Variants in CTNNA1 observed in about 807,000 individuals in gnomAD.
CTNNA1 encodes catenin alpha-1.
A neutral mutation model predicts 98.4 loss-of-function variants in CTNNA1; 37 were observed. That is an observed-to-expected ratio of 0.38 (90% confidence interval 0.29 to 0.49). The LOEUF (loss-of-function observed/expected upper bound fraction) is 0.49, where lower values mean the gene tolerates loss of function less well. Among genes scored for constraint, CTNNA1 ranks in the 20% least tolerant of loss-of-function variants. The pLI, the probability that CTNNA1 is intolerant of heterozygous loss-of-function variation, is 0.95. For synonymous variants in CTNNA1, 404 were observed against 413.2 expected (o/e 0.98, Z 0.27); for missense variants, 761 against 1,147.2 (o/e 0.66, Z 4.86).
chr5:138,861,236 G>A (rs576980227), intron 7 of CTNNA1, among the ~76,000 whole-genome samples: 2 of 152,192 alleles, frequency 1.3e-5, no homozygotes, highest in South Asian at 4.1e-4. Flanking sequence ...GGCCAGGCTG[G>A]TCTCGAACTC....
intron 7 of CTNNA1, chr5:138,870,200 T>G (rs1349084015): frequency 6.6e-6 from 1 of 152,242 alleles, no homozygotes; most frequent in Non-Finnish European, 1.5e-5. Context: ...AGCGTTGCTG[T>G]GATGCTGTTC....
At chr5:138,846,773 T>C (rs1482024542) in intron 7 of CTNNA1, among the ~76,000 whole-genome samples, 1 of 152,166 alleles carries the variant, frequency 6.6e-6, no homozygotes, top group Non-Finnish European at 1.5e-5. Flanking sequence ...AAAAAACCCC[T>C]CAAATTATAC....
At chr5:138,853,994 GGAA>G (rs1763485265) in intron 7 of CTNNA1, among the ~76,000 whole-genome samples, 1 of 152,182 alleles carries the variant, frequency 6.6e-6, no homozygotes, top group Non-Finnish European at 1.5e-5. Context: ...CTGGGTGAAT[GGAA>G]GAAGAAGCCC....
chr5:138,832,142 C>A (rs879668803), intron 7 of CTNNA1, among the ~76,000 whole-genome samples: 5 of 152,120 alleles, frequency 3.3e-5, no homozygotes, highest in African/African-American at 7.2e-5. Context: ...GGGCCAAATC[C>A]CCTTTTAAAG....
chr5:138,835,151 G>A (rs1299982333), intron 7 of CTNNA1, among the ~76,000 whole-genome samples: 1 of 152,172 alleles, frequency 6.6e-6, no homozygotes, highest in Non-Finnish European at 1.5e-5. Context: ...GTTAAGGCAG[G>A]AACTGGCTAT....
At chr5:138,880,073 G>GTTTGGACAGATGAACGTTTATACTAT (rs1752560448) in intron 7 of CTNNA1, 1 of 152,186 alleles carries the variant, frequency 6.6e-6, no homozygotes, top group South Asian at 2.1e-4. Context: ...TTCCATAGAA[G>GTTTGGACAGATGAACGTTTATACTAT]TTTGGACAGA....
chr5:138,904,803 T>C (rs570867973), intron 10 of CTNNA1: 1 of 162,482 alleles, frequency 6.2e-6, no homozygotes, highest in Non-Finnish European at 1.3e-5. Context: ...AAAAAAAAAA[T>C]ACATATTTTG....
intron 7 of CTNNA1, among the ~76,000 whole-genome samples, chr5:138,838,700 T>C (rs1762014016): frequency 6.6e-6 from 1 of 152,220 alleles, no homozygotes; most frequent in East Asian, 1.9e-4. Flanking sequence ...TATAGTGGTA[T>C]AGATTTCCCT....
intron 1 of CTNNA1, among the ~76,000 whole-genome samples, chr5:138,762,726 C>T (rs545699970): frequency 1.3e-4 from 20 of 151,688 alleles, no homozygotes; most frequent in African/African-American, 4.8e-4. Context: ...GTTCTAAATA[C>T]TTGTAACATT....
At chr5:138,822,489 A>G (rs1295720792) in intron 5 of CTNNA1, among the ~76,000 whole-genome samples, 2 of 152,334 alleles carry the variant, frequency 1.3e-5, no homozygotes, top group South Asian at 2.1e-4. Flanking sequence ...CATTTTTATA[A>G]AACGGTAGAC....
intron 6 of CTNNA1, among the ~76,000 whole-genome samples, chr5:138,825,482 G>GGTTTTTTTTTTTTTTTT (rs1760578153): frequency 4.0e-5 from 3 of 74,114 alleles, no homozygotes; most frequent in African/African-American, 1.2e-4. Flanking sequence ...AGCAGTATAA[G>GGTTTTTTTTTTTTTTTT]TTTTTTTTTT....
intron 10 of CTNNA1, among the ~76,000 whole-genome samples, chr5:138,912,885 T>A (rs12186373): frequency 0.26 from 39,414 of 152,050 alleles, 5,385 homozygotes; most frequent in Middle Eastern, 0.31. Flanking sequence ...CCTTATTGAT[T>A]TACCTAATAC....
In CTNNA1 at chr5:138,934,170, T is replaced by C. The variant is rs1431832064; in HGVS notation, c.*81T>C. 2.9e-6 allele frequency: 3 copies of C among 1,039,868 alleles called. No individual in the cohort carries two copies. Among genetic ancestry groups the C allele is most frequent in the Non-Finnish European group, 4.3e-6 (3 of 705,150 alleles). 64.4% of individuals were successfully genotyped at this position (1,039,868 alleles called of 1,614,324 possible). ...TCGTCACTCAAATGAATTTGCTAAA[T>C]ACAACACTGATACTAGATTCCACAG... is the stretch of plus-strand genomic sequence containing the variant. On this transcript the variant is annotated 3_prime_UTR_variant, in exon 18 of 18. Coordinates refer to ENST00000302763, the MANE Select transcript of CTNNA1 (RefSeq NM_001903.5).
At chr5:138,900,016 C>G (rs1281597328) in intron 9 of CTNNA1, among the ~76,000 whole-genome samples, 1 of 152,140 alleles carries the variant, frequency 6.6e-6, no homozygotes. Flanking sequence ...ACACCTTTCC[C>G]TGGAAATTGG....
At chr5:138,768,967 C>G (rs962728437) in intron 1 of CTNNA1, among the ~76,000 whole-genome samples, 6 of 152,156 alleles carry the variant, frequency 3.9e-5, no homozygotes, top group African/African-American at 1.4e-4. Flanking sequence ...ACTGATAATT[C>G]GTCAGTCATT....
chr5:138,795,484 T>C (rs911499598), intron 3 of CTNNA1, among the ~76,000 whole-genome samples: 1 of 151,854 alleles, frequency 6.6e-6, no homozygotes, highest in South Asian at 2.1e-4. Flanking sequence ...AGAAAAAAGC[T>C]ATCACTTGTT....
intron 7 of CTNNA1, among the ~76,000 whole-genome samples, chr5:138,866,405 AATGTTT>A (rs1480742615): frequency 6.6e-6 from 1 of 151,846 alleles, no homozygotes; most frequent in Non-Finnish European, 1.5e-5. Flanking sequence ...CAGTAAACTT[AATGTTT>A]ATGATGTTTT....
intron 7 of CTNNA1, among the ~76,000 whole-genome samples, chr5:138,859,215 G>A (rs1353176657): frequency 6.6e-6 from 1 of 152,166 alleles, no homozygotes; most frequent in East Asian, 1.9e-4. Context: ...TTTTCCAATA[G>A]CACATGACTT....
At chr5:138,877,364 C>T (rs1211963733) in intron 7 of CTNNA1, among the ~76,000 whole-genome samples, 1 of 152,038 alleles carries the variant, frequency 6.6e-6, no homozygotes, top group African/African-American at 2.4e-5. Flanking sequence ...CCCTAGGTTT[C>T]AGAGCTGCTG....
Sources: gnomAD v4.1 joint callset for allele counts (sites outside exome capture counted in the v4.1 genomes callset) on GRCh38, gnomAD v4.1.1 for gene constraint, MANE v1.5 for transcripts, NCBI Gene and HGNC (gene_info 2026-07-23, HGNC 2026-07-21) for gene names.